The following NFKB1 variants were observed in gnomAD, a reference collection of about 807,000 sequenced individuals.
The protein encoded by NFKB1 is nuclear factor kappa B subunit 1.
NFKB1 carries 9 observed loss-of-function variants against 105.1 expected under a neutral mutation model. The observed-to-expected ratio is 0.09, with a 90% CI of 0.05 to 0.15. NFKB1 has a LOEUF of 0.15. Among genes scored for constraint, NFKB1 ranks in the 10% least tolerant of loss-of-function variants. The probability of loss-of-function intolerance (pLI) is 1.00; values close to 1 mark genes in which losing one functional copy is unlikely to be tolerated. For missense variants in NFKB1, 830 were observed against 1,203.7 expected (o/e 0.69, Z 4.59); for synonymous variants, 440 against 442.2 (o/e 1.00, Z 0.06).
At chr4:102,522,112 G>A (rs1229742697) in intron 1 of NFKB1, among the ~76,000 whole-genome samples, 2 of 152,138 alleles carry the variant, frequency 1.3e-5, no homozygotes, top group Non-Finnish European at 2.9e-5. Context: ...GGAACAGGGA[G>A]GTAGAAGGGG....
chr4:102,611,830 C>T (rs1468171089), intron 20 of NFKB1, among the ~76,000 whole-genome samples: 5 of 152,202 alleles, frequency 3.3e-5, no homozygotes, highest in Non-Finnish European at 7.3e-5. Context: ...TTGTGCAAAG[C>T]ACTATTTCCC....
chr4:102,608,604 G>A (rs556969847), intron 19 of NFKB1, among the ~76,000 whole-genome samples: 1 of 150,850 alleles, frequency 6.6e-6, no homozygotes, highest in African/African-American at 2.4e-5. Flanking sequence ...CAAAATATGT[G>A]TAATGAAATT....
intron 5 of NFKB1, among the ~76,000 whole-genome samples, chr4:102,560,422 C>T (rs1723328446): frequency 6.6e-6 from 1 of 152,134 alleles, no homozygotes; most frequent in Non-Finnish European, 1.5e-5. Flanking sequence ...AACTTCTTAG[C>T]TTATTTATTA....
At chr4:102,533,547 G>C (rs1741438015) in intron 3 of NFKB1, among the ~76,000 whole-genome samples, 1 of 152,190 alleles carries the variant, frequency 6.6e-6, no homozygotes, top group Non-Finnish European at 1.5e-5. Flanking sequence ...GAAGGCTGTT[G>C]ACATCAATTC....
At chr4:102,542,464 G>C (rs547270602) in intron 5 of NFKB1, among the ~76,000 whole-genome samples, 109 of 151,402 alleles carry the variant, frequency 7.2e-4, no homozygotes, top group Non-Finnish European at 1.3e-3. Flanking sequence ...AAATTTAATA[G>C]GTATTAGCAT....
intron 13 of NFKB1, 41 bp from the exon 14 acceptor site, chr4:102,596,097 A>G (rs1056000213): frequency 1.4e-6 from 2 of 1,406,420 alleles, no homozygotes; most frequent in Non-Finnish European, 1.9e-6. Context: ...CACTAAATAC[A>G]TTTTACTGAG....
At chr4:102,563,955 A>T (rs1369162364) in intron 5 of NFKB1, among the ~76,000 whole-genome samples, 2 of 151,160 alleles carry the variant, frequency 1.3e-5, no homozygotes. Flanking sequence ...AATAGCTGGG[A>T]TTACAGGTGC....
intron 1 of NFKB1, among the ~76,000 whole-genome samples, chr4:102,515,090 A>ATATTAT (rs1422166284): frequency 2.7e-4 from 36 of 130,938 alleles, no homozygotes; most frequent in African/African-American, 4.0e-4. Context: ...GTTCCATGTA[A>ATATTAT]TATTATTATT....
chr4:102,611,868 C>T (rs2149229699), intron 20 of NFKB1, among the ~76,000 whole-genome samples, 176 bp from the exon 21 acceptor site: 1 of 152,332 alleles, frequency 6.6e-6, no homozygotes, highest in Admixed American at 6.5e-5. Flanking sequence ...AGCTGTTCTT[C>T]CCCCAAAGGG....
chr4:102,605,757 G>A (rs955063197), intron 16 of NFKB1, among the ~76,000 whole-genome samples: 2 of 152,088 alleles, frequency 1.3e-5, no homozygotes, highest in Non-Finnish European at 2.9e-5. Context: ...TATTATCCTG[G>A]TTATGTTATT....
intron 2 of NFKB1, among the ~76,000 whole-genome samples, chr4:102,525,825 C>G (rs1740875640): frequency 6.6e-6 from 1 of 152,168 alleles, no homozygotes; most frequent in Non-Finnish European, 1.5e-5. Flanking sequence ...GCTACCATAA[C>G]AGATCACCAC....
At chr4:102,615,284 G>C (rs4648134) in intron 23 of NFKB1, among the ~76,000 whole-genome samples, 1 of 152,186 alleles carries the variant, frequency 6.6e-6, no homozygotes, top group Non-Finnish European at 1.5e-5. Context: ...AAACATTGCT[G>C]TGGAAGCTCT....
intron 15 of NFKB1, among the ~76,000 whole-genome samples, chr4:102,599,990 T>C (rs1007115991): frequency 3.3e-5 from 5 of 152,170 alleles, no homozygotes; most frequent in Non-Finnish European, 5.9e-5. Context: ...TTAAGTTCCT[T>C]CTATCATTCT....
At chr4:102,607,854 T>C (rs1727961645) in intron 19 of NFKB1, 103 bp downstream of exon 19, 8 of 963,888 alleles carry the variant, frequency 8.3e-6, no homozygotes, top group Non-Finnish European at 1.3e-5. Flanking sequence ...ACAGACCTAC[T>C]GCTGAAAAAC....
chr4:102,607,133 C>G lies in NFKB1; in HGVS notation c.1955-17C>G. 1 of 1,614,048 alleles carries G rather than the reference C, an allele frequency of 6.2e-7. No homozygotes were observed. The highest frequency in any genetic ancestry group is 8.5e-7 in the Non-Finnish European group (1 of 1,179,942). On this transcript the variant is annotated splice_polypyrimidine_tract_variant and intron_variant, in intron 17 of 23. Coordinates refer to ENST00000226574, the MANE Select transcript of NFKB1 (RefSeq NM_003998.4). ...TAGCCATCCCATCCTGTGACTGTCC[C>G]TTTGCTTGGACTCTAGGTCTGAATG...
chr4:102,567,236 G>A (rs2149168492), intron 6 of NFKB1, 101 bp downstream of exon 6: 1 of 1,293,210 alleles, frequency 7.7e-7, no homozygotes, highest in Non-Finnish European at 1.1e-6. Flanking sequence ...ACCTTTCTGA[G>A]ACCCTCAGAT....
intron 5 of NFKB1, among the ~76,000 whole-genome samples, chr4:102,566,389 A>G (rs898909927): frequency 3.3e-5 from 5 of 152,224 alleles, no homozygotes; most frequent in African/African-American, 1.2e-4. Flanking sequence ...CTCAATTATC[A>G]GAAGTCAGAG....
intron 11 of NFKB1, among the ~76,000 whole-genome samples, chr4:102,585,301 A>C (rs900844044): frequency 1.3e-5 from 2 of 152,214 alleles, no homozygotes; most frequent in African/African-American, 4.8e-5. Context: ...TATTTTTAGA[A>C]GAGACAGTAG....
At chr4:102,528,398 C>T (rs951289997) in intron 2 of NFKB1, among the ~76,000 whole-genome samples, 7 of 152,144 alleles carry the variant, frequency 4.6e-5, no homozygotes, top group African/African-American at 1.7e-4. Context: ...CTTTGTTCCT[C>T]AGTTGAAAAT....
Sources: allele counts gnomAD v4.1 joint callset (sites outside exome capture counted in the v4.1 genomes callset), GRCh38; gene constraint gnomAD v4.1.1; transcripts MANE v1.5; gene names NCBI Gene and HGNC (gene_info 2026-07-23, HGNC 2026-07-21).